Variants in DOCK7 observed in about 807,000 individuals in gnomAD.
The protein encoded by DOCK7 is dedicator of cytokinesis protein 7.
In DOCK7, 138 loss-of-function variants were observed where a neutral mutation model predicts 271.0. That is an observed-to-expected ratio of 0.51 (90% CI 0.44 to 0.59). The LOEUF (loss-of-function observed/expected upper bound fraction) is 0.59, where lower values mean the gene tolerates loss of function less well. DOCK7 is among the 20% of genes least tolerant of loss of function. DOCK7 has a pLI of 0.00. For missense variants in DOCK7, 2,066 were observed against 2,592.4 expected (o/e 0.80, Z 4.41); for synonymous variants, 823 against 876.1 (o/e 0.94, Z 1.07).
At position 62,665,632 on chromosome 1, in the gene DOCK7, G is replaced by A. The variant is rs548634115; in HGVS notation, c.39-2502C>T. On this transcript the variant is annotated intron_variant, in intron 1 of 49. Coordinates refer to ENST00000635253, the MANE Select transcript of DOCK7 (RefSeq NM_001367561.1). The stretch of plus-strand genomic sequence containing the variant: ...AGGCAGGAGAATCGCTTGAATCCAC[G>A]GAGGTTGCGGTGAGCCGAGATCACG... 2.1e-5 allele frequency among the ~76,000 whole-genome samples: 3 copies of A among 145,080 alleles called. No homozygotes were observed. In the East Asian group the frequency reaches 6.3e-4, roughly 30 times the overall value.
intron 14 of DOCK7, among the ~76,000 whole-genome samples, chr1:62,596,144 G>GT (rs1298609781): frequency 6.6e-6 from 1 of 152,022 alleles, no homozygotes; most frequent in Non-Finnish European, 1.5e-5. Flanking sequence ...AGCACTACCT[G>GT]TTTGCCCAGC....
intron 20 of DOCK7, among the ~76,000 whole-genome samples, chr1:62,557,961 T>G (rs1646200584): frequency 6.6e-6 from 1 of 152,076 alleles, no homozygotes; most frequent in Admixed American, 6.6e-5. Flanking sequence ...TTTCCCACTT[T>G]TAAGTCATCT....
intron 1 of DOCK7, among the ~76,000 whole-genome samples, chr1:62,679,316 A>G (rs1186870329): frequency 6.6e-6 from 1 of 152,190 alleles, no homozygotes; most frequent in Non-Finnish European, 1.5e-5. Flanking sequence ...TACAGCTTTC[A>G]TAAGATTCCA....
At chr1:62,561,216 A>T (rs939111730) in intron 19 of DOCK7, among the ~76,000 whole-genome samples, 8 of 152,282 alleles carry the variant, frequency 5.3e-5, no homozygotes, top group Admixed American at 4.6e-4. Flanking sequence ...GATGTATAAA[A>T]CCTATCAGAA....
rs1317715066 is a variant in DOCK7, at chr1:62,539,773, A to G, written c.3165T>C (p.Asp1055=). The change falls in exon 26 of 50, where the codon GAT becomes GAC. Residue 1055 remains aspartate, a synonymous_variant. Coordinates refer to ENST00000635253, the MANE Select transcript of DOCK7 (RefSeq NM_001367561.1). The part of the protein sequence containing the change: ...IAALVSTIAS[D]IVSRFQKDTE... ...TTACCTTCTGAAATCGTGAAACTAT[A>G]TCACTAGCAATCGTGCTGACAAGAG... The G allele has an allele frequency of 5.0e-6, 8 of 1,613,204 alleles. No homozygotes were observed. The South Asian group carries it at 6.6e-5, about 13-fold the overall frequency.
chr1:62,560,599 A>G lies in DOCK7; in HGVS notation c.2199+1018T>C, dbSNP rs191343011. 7.9e-5 allele frequency among the ~76,000 whole-genome samples: 12 copies of G among 152,222 alleles called. No homozygotes were observed. The East Asian group carries it at 2.1e-3, about 27-fold the overall frequency. On this transcript the variant is annotated intron_variant, in intron 19 of 49. Coordinates refer to ENST00000635253, the MANE Select transcript of DOCK7 (RefSeq NM_001367561.1). ...TCAAGGTCCTTCACAATCTATTACCAGCCTTCTATCCTTATGTATCATGAT... is the reference window on the plus strand; with the variant it reads ...TCAAGGTCCTTCACAATCTATTACCGGCCTTCTATCCTTATGTATCATGAT...
intron 48 of DOCK7, among the ~76,000 whole-genome samples, chr1:62,468,151 G>A (rs1182170086): frequency 1.3e-5 from 2 of 151,796 alleles, no homozygotes; most frequent in East Asian, 1.9e-4. Flanking sequence ...GCCTGAGGTC[G>A]GGAGTTCGAG....
In DOCK7 at chr1:62,505,831, TAAAC is replaced by T; in HGVS notation, c.4477-19_4477-16del. On this transcript the variant is annotated splice_polypyrimidine_tract_variant and intron_variant, in intron 35 of 49. Coordinates refer to ENST00000635253, the MANE Select transcript of DOCK7 (RefSeq NM_001367561.1). ...ACAGAAACGGTCTGCAATTTAAAAA[TAAAC>T]AAATAAAATAGAGATGTACTTGCAA... 6.2e-7 allele frequency: 1 copy of T among 1,606,798 alleles called. No homozygotes were observed. The highest frequency in any genetic ancestry group is 1.7e-5 in the Admixed American group (1 of 58,308).
At chr1:62,528,411 GT>G in intron 30 of DOCK7, 106 bp from the exon 31 acceptor site, 1 of 1,028,596 alleles carries the variant, frequency 9.7e-7, no homozygotes, top group East Asian at 2.8e-5. Context: ...ACATGTTATA[GT>G]TATTAGATTT....
intron 17 of DOCK7, 60 bp from the exon 18 acceptor site, chr1:62,577,423 T>C: frequency 1.5e-6 from 2 of 1,309,802 alleles, no homozygotes; most frequent in South Asian, 1.9e-5. Flanking sequence ...AATAATTACT[T>C]AGCATGTTTT....
intron 10 of DOCK7, among the ~76,000 whole-genome samples, chr1:62,632,049 G>C (rs1019276525): frequency 1.3e-5 from 2 of 152,164 alleles, no homozygotes; most frequent in Admixed American, 1.3e-4. Flanking sequence ...AACATCAAGA[G>C]GTGGCCTGCA....
Position 62,586,567 on chromosome 1 carries a change from A to AGCAGAACCTTGACG in DOCK7, c.1726_1739dup (p.Arg581ValfsTer8). 1 of 1,613,148 alleles carries AGCAGAACCTTGACG rather than the reference A, an allele frequency of 6.2e-7. No individual in the cohort carries two copies. Among genetic ancestry groups the AGCAGAACCTTGACG allele is most frequent in the Non-Finnish European group, 8.5e-7 (1 of 1,179,366 alleles). ...ACTGGACTTTCACTGTTATATTTCT[A>AGCAGAACCTTGACG]GCAGAACCTTGACGATTGGCAAAAT... On this transcript the variant is annotated frameshift_variant, in exon 15 of 50. Coordinates refer to ENST00000635253, the MANE Select transcript of DOCK7 (RefSeq NM_001367561.1). LOFTEE classifies it high-confidence loss of function.
intron 19 of DOCK7, among the ~76,000 whole-genome samples, chr1:62,560,802 T>C (rs781104817): frequency 1.1e-4 from 17 of 152,184 alleles, no homozygotes; most frequent in Non-Finnish European, 2.2e-4. Flanking sequence ...CTTCCCTCTG[T>C]ACTTCAAAGA....
chr1:62,537,033 T>C (rs1645366775), intron 28 of DOCK7, among the ~76,000 whole-genome samples: 1 of 152,208 alleles, frequency 6.6e-6, no homozygotes, highest in Non-Finnish European at 1.5e-5. Context: ...TTGGGGTTTC[T>C]GGATACAAGA....
intron 12 of DOCK7, among the ~76,000 whole-genome samples, chr1:62,620,326 T>A (rs12239736): frequency 0.38 from 56,795 of 149,528 alleles, 11,612 homozygotes; most frequent in African/African-American, 0.54. Flanking sequence ...AAAATAAAAA[T>A]AAATAAATAA....
chr1:62,677,112 A>T (rs1240301027), intron 1 of DOCK7, among the ~76,000 whole-genome samples: 2 of 152,268 alleles, frequency 1.3e-5, no homozygotes, highest in Non-Finnish European at 2.9e-5. Context: ...CTAATTTTAA[A>T]GAACATCAGC....
At position 62,571,148 on chromosome 1, in the gene DOCK7, C is replaced by A. The variant is rs1646762328; in HGVS notation, c.2112+6114G>T. Among the ~76,000 whole-genome samples the A allele has an allele frequency of 4.6e-5, 7 of 152,034 alleles. No homozygotes were observed. In the South Asian group the frequency reaches 1.4e-3, roughly 31 times the overall value. On this transcript the variant is annotated intron_variant, in intron 18 of 49. Coordinates refer to ENST00000635253, the MANE Select transcript of DOCK7 (RefSeq NM_001367561.1). The stretch of plus-strand genomic sequence containing the variant: ...ACACGATGGGAGAGAAATTTTGCAA[C>A]CTATCCATCTGACAAAGGTGTAATA...
chr1:62,489,500 T>C (rs183566236), intron 41 of DOCK7, among the ~76,000 whole-genome samples: 243 of 152,196 alleles, frequency 1.6e-3, no homozygotes, highest in African/African-American at 5.7e-3. Context: ...CAATAGAAAA[T>C]AAAAACAAAT....
intron 11 of DOCK7, chr1:62,629,427 C>T (rs543776857): frequency 1.3e-5 from 2 of 152,214 alleles, no homozygotes; most frequent in African/African-American, 4.8e-5. Flanking sequence ...ATACATGCTA[C>T]GACATGGATG....
Sources: gnomAD v4.1 joint callset for allele counts (sites outside exome capture counted in the v4.1 genomes callset) on GRCh38, gnomAD v4.1.1 for gene constraint, MANE v1.5 for transcripts, NCBI Gene and HGNC (gene_info 2026-07-23, HGNC 2026-07-21) for gene names.